GNPTAB: variants seen among roughly 807,000 people sequenced by gnomAD.
GNPTAB encodes N-acetylglucosamine-1-phosphotransferase subunits alpha/beta.
GNPTAB carries 92 observed loss-of-function variants against 136.6 expected under a neutral mutation model. The ratio of observed to expected loss-of-function variants is 0.67; its 90% CI spans 0.57 to 0.80. GNPTAB has a LOEUF of 0.80. Ranked by LOEUF, GNPTAB falls within the 30% of genes least tolerant of loss-of-function variation. GNPTAB has a pLI of 0.00. For synonymous variants in GNPTAB, 512 were observed against 535.1 expected, an observed-to-expected ratio of 0.96 and a Z score of 0.60; for missense variants, 1,343 against 1,501.8, an observed-to-expected ratio of 0.89 and a Z score of 1.75.
At chr12:101,769,193 T>C (rs1370984569) in intron 10 of GNPTAB, among the ~76,000 whole-genome samples, 1 of 152,214 alleles carries the variant, frequency 6.6e-6, no homozygotes, top group Non-Finnish European at 1.5e-5. Flanking sequence ...TGTACTTTCC[T>C]CACTATGCCA....
intron 1 of GNPTAB, among the ~76,000 whole-genome samples, chr12:101,825,289 G>C (rs1187907437): frequency 6.6e-6 from 1 of 152,176 alleles, no homozygotes; most frequent in Non-Finnish European, 1.5e-5. Flanking sequence ...CCACTGTACA[G>C]TCTAACAACA....
rs780754017 is a variant in GNPTAB at position 101,765,070 on chromosome 12, G to C, written c.1847C>G (p.Thr616Arg). ...MNATTIHFNL[T>R]FQNTNDEEFK... is the part of the protein sequence containing the mutation. ...CTCTTCATCGTTTGTATTTTGAAAC[G>C]TGAGATTAAAATGTATTGTGGTGGC... Residue 616 changes from threonine (T) to arginine (R), a missense_variant, in exon 13 of 21, where the codon ACG (threonine) becomes AGG (arginine). Coordinates refer to ENST00000299314, the MANE Select transcript of GNPTAB (RefSeq NM_024312.5). 1.2e-6 allele frequency: 2 copies of C among 1,613,940 alleles called. No individual in the cohort carries two copies. The highest frequency in any genetic ancestry group is 1.1e-5 in the South Asian group (1 of 91,072).
chr12:101,808,775 C>T (rs892021947), intron 1 of GNPTAB, among the ~76,000 whole-genome samples: 4 of 152,052 alleles, frequency 2.6e-5, no homozygotes, highest in African/African-American at 9.7e-5. Context: ...GGAGAAACCC[C>T]ATCTTTCTAC....
chr12:101,755,818 G>C (rs914019954), intron 18 of GNPTAB, among the ~76,000 whole-genome samples: 10 of 152,188 alleles, frequency 6.6e-5, no homozygotes, highest in Non-Finnish European at 1.5e-4. Flanking sequence ...GCAAACTGTG[G>C]AAAAAGCCTG....
At chr12:101,767,773 C>A (rs2137120933) in intron 11 of GNPTAB, 2 of 604,484 alleles carry the variant, frequency 3.3e-6, no homozygotes, top group East Asian at 2.8e-5. Context: ...CAGGTTTGCA[C>A]CACCACACTT....
At chr12:101,807,981 T>G (rs1288887647) in intron 1 of GNPTAB, among the ~76,000 whole-genome samples, 4 of 152,028 alleles carry the variant, frequency 2.6e-5, no homozygotes, top group African/African-American at 9.7e-5. Context: ...GAAACTAAAA[T>G]ACACAATACA....
rs1953057637 is a variant in GNPTAB at position 101,764,641 on chromosome 12, T to G, written c.2276A>C (p.Asn759Thr). The G allele has an allele frequency of 6.2e-7, 1 of 1,613,958 alleles. No individual in the cohort carries two copies. Among genetic ancestry groups the G allele is most frequent in the Admixed American group, 1.7e-5 (1 of 59,942 alleles). Residue 759 changes from asparagine to threonine, a missense_variant, in exon 13 of 21, where the codon AAT becomes ACT. Coordinates refer to ENST00000299314, the MANE Select transcript of GNPTAB (RefSeq NM_024312.5). ...TTCCTGTGGAGCCACCAAACTGTCA[T>G]TTGTTTCATCTGTTATTATAGCTTG... is the stretch of plus-strand genomic sequence containing the variant. ...KNQAIITDET[N>T]DSLVAPQEKQ... is the part of the protein sequence containing the mutation.
intron 1 of GNPTAB, among the ~76,000 whole-genome samples, chr12:101,808,628 G>C (rs910369350): frequency 3.3e-5 from 5 of 152,170 alleles, no homozygotes; most frequent in Non-Finnish European, 7.3e-5. Context: ...CCATAGGTGA[G>C]AAAAAGACTG....
At chr12:101,760,533 G>A (rs1249750007) in intron 15 of GNPTAB, among the ~76,000 whole-genome samples, 2 of 152,058 alleles carry the variant, frequency 1.3e-5, no homozygotes, top group Non-Finnish European at 2.9e-5. Flanking sequence ...GTCCTAGAAT[G>A]AATATACCAC....
rs368229757 is a variant in GNPTAB at position 101,781,142 on chromosome 12, T to C, written c.572-521A>G. On this transcript the variant is annotated intron_variant, in intron 5 of 20. Transcript: ENST00000299314. ...CCCCAGTTCATTGGGTGCTGCTGAA[T>C]GGAGCATCATAAGTCACAGTAGGGA... Among the ~76,000 whole-genome samples the C allele has an allele frequency of 8.5e-5, 13 of 152,258 alleles. No individual in the cohort carries two copies. The East Asian group carries it at 2.3e-3, about 27-fold the overall frequency.
chr12:101,770,731 A>G (rs531573103), intron 8 of GNPTAB, 146 bp from the exon 9 acceptor site: 1 of 726,700 alleles, frequency 1.4e-6, no homozygotes, highest in Non-Finnish European at 2.4e-6. Context: ...ATTACAAAAA[A>G]TGCAAAAGAT....
chr12:101,759,120 T>C (rs956269493), intron 16 of GNPTAB, among the ~76,000 whole-genome samples: 2 of 152,238 alleles, frequency 1.3e-5, no homozygotes, highest in Admixed American at 6.5e-5. Flanking sequence ...TCCCGGCACT[T>C]TGGGATGCTA....
chr12:101,816,618 C>T (rs1211601190), intron 1 of GNPTAB, among the ~76,000 whole-genome samples: 2 of 152,168 alleles, frequency 1.3e-5, no homozygotes, highest in Admixed American at 6.5e-5. Flanking sequence ...AGTATAGCCA[C>T]TATGGAAAAC....
At chr12:101,788,194 A>G (rs1868776907) in intron 4 of GNPTAB, among the ~76,000 whole-genome samples, 1 of 152,254 alleles carries the variant, frequency 6.6e-6, no homozygotes, top group African/African-American at 2.4e-5. Context: ...TATATATTGA[A>G]CCTATAAGTA....
intron 7 of GNPTAB, among the ~76,000 whole-genome samples, chr12:101,775,487 G>A (rs560167722): frequency 1.3e-3 from 191 of 151,732 alleles, no homozygotes; most frequent in African/African-American, 4.3e-3. Context: ...AGCCTCCCGA[G>A]TAGCTGGGAT....
chr12:101,830,548 C>G lies in GNPTAB; in HGVS notation c.117+11G>C, dbSNP rs2137197589. 6.4e-7 allele frequency: 1 copy of G among 1,565,434 alleles called. No homozygotes were observed. Among genetic ancestry groups the G allele is most frequent in the South Asian group, 1.1e-5 (1 of 89,580 alleles). ...GAGGCGCCCGGTCCAGGCTGCGGCG[C>G]CGCTACTCACCTCTCCGAACTGGAA... On this transcript the variant is annotated intron_variant, in intron 1 of 20. Coordinates refer to ENST00000299314, the MANE Select transcript of GNPTAB (RefSeq NM_024312.5).
intron 13 of GNPTAB, among the ~76,000 whole-genome samples, chr12:101,763,171 G>A (rs1462797369): frequency 4.0e-5 from 6 of 149,028 alleles, no homozygotes; most frequent in Admixed American, 4.0e-4. Context: ...GCAGTGAGCC[G>A]AGATCACGCC....
At chr12:101,824,438 T>TA (rs1870983737) in intron 1 of GNPTAB, among the ~76,000 whole-genome samples, 2 of 28,116 alleles carry the variant, frequency 7.1e-5, no homozygotes, top group African/African-American at 3.8e-4. Context: ...ATATATTTTC[T>TA]TTTTTTTTTT....
intron 4 of GNPTAB, among the ~76,000 whole-genome samples, chr12:101,787,643 G>A (rs1016594460): frequency 1.3e-5 from 2 of 151,974 alleles, no homozygotes; most frequent in South Asian, 2.1e-4. Flanking sequence ...GGCCGGATGC[G>A]GTGACTCACG....
Sources: gnomAD v4.1 joint callset for allele counts (sites outside exome capture counted in the v4.1 genomes callset) on GRCh38, gnomAD v4.1.1 for gene constraint, MANE v1.5 for transcripts, NCBI Gene and HGNC (gene_info 2026-07-23, HGNC 2026-07-21) for gene names.